Variants in ZBTB7C observed in about 807,000 individuals in gnomAD.
ZBTB7C encodes zinc finger and BTB domain containing 7C.
In ZBTB7C, 8 loss-of-function variants were observed where a neutral mutation model predicts 25.7. The ratio of observed to expected loss-of-function variants is 0.31; its 90% CI spans 0.18 to 0.56. The LOEUF (loss-of-function observed/expected upper bound fraction) is 0.56. Among genes scored for constraint, ZBTB7C ranks in the 20% least tolerant of loss-of-function variants. The probability of loss-of-function intolerance (pLI) is 0.91; values close to 1 mark genes in which losing one functional copy is unlikely to be tolerated. For synonymous variants in ZBTB7C, 394 were observed against 369.0 expected (o/e 1.07, Z -0.78); for missense variants, 824 against 855.2 (o/e 0.96, Z 0.46).
At chr18:48,380,007 A>C (rs1196460694) in intron 1 of ZBTB7C, among the ~76,000 whole-genome samples, 1 of 152,238 alleles carries the variant, frequency 6.6e-6, no homozygotes, top group African/African-American at 2.4e-5. Context: ...ACAGAGAATA[A>C]GCATTTGTCA....
chr18:48,399,904 C>T (rs1231644618), intron 1 of ZBTB7C, among the ~76,000 whole-genome samples: 2 of 152,138 alleles, frequency 1.3e-5, no homozygotes, highest in African/African-American at 4.8e-5. Context: ...GCTTTTTCCT[C>T]CCTCTTCCCA....
At chr18:48,064,955 A>G (rs2037268680) in intron 3 of ZBTB7C, among the ~76,000 whole-genome samples, 1 of 152,182 alleles carries the variant, frequency 6.6e-6, no homozygotes, top group South Asian at 2.1e-4. Context: ...CTAAGCTCCC[A>G]CCACTCCACT....
chr18:48,039,121 G>T (rs1174111880), intron 4 of ZBTB7C, among the ~76,000 whole-genome samples: 6 of 152,106 alleles, frequency 3.9e-5, no homozygotes, highest in Non-Finnish European at 7.3e-5. Flanking sequence ...AAAGATGAAA[G>T]GTTTATAATG....
chr18:48,052,662 C>A (rs185237039), intron 3 of ZBTB7C, among the ~76,000 whole-genome samples: 4 of 152,080 alleles, frequency 2.6e-5, no homozygotes, highest in Non-Finnish European at 5.9e-5. Flanking sequence ...CCCAGGTGTG[C>A]AGTCAGCAGA....
chr18:48,073,525 G>A (rs1480003013), intron 3 of ZBTB7C, among the ~76,000 whole-genome samples: 1 of 152,134 alleles, frequency 6.6e-6, no homozygotes, highest in Non-Finnish European at 1.5e-5. Flanking sequence ...CAGGCGCAGG[G>A]GTGCGGGCAG....
In ZBTB7C at chr18:48,040,930, T is replaced by A. The variant is rs995591016; in HGVS notation, c.178A>T (p.Lys60Ter). The A allele has an allele frequency of 6.2e-7, 1 of 1,614,026 alleles. No individual in the cohort carries two copies. The highest frequency in any genetic ancestry group is 1.3e-5 in the African/African-American group (1 of 74,912). ...SVLAACSKYFKKLFTAGTLAS... is the reference protein window; with the variant it reads ...SVLAACSKYF The stretch of plus-strand genomic sequence containing the variant: ...AGGGTGCCGGCTGTGAAAAGCTTCT[T>A]GAAGTACTTGCTGCAGGCAGCCAGG... Residue 60 changes from lysine (K) to a stop codon, truncating the protein, a stop_gained, in exon 4 of 5, where the codon AAG (lysine) becomes TAG (stop). Transcript: ENST00000590800. LOFTEE classifies it high-confidence loss of function.
intron 3 of ZBTB7C, among the ~76,000 whole-genome samples, chr18:48,076,126 T>G (rs2037753333): frequency 6.6e-6 from 1 of 152,184 alleles, no homozygotes; most frequent in Non-Finnish European, 1.5e-5. Flanking sequence ...TAAACATGTT[T>G]CTTGTCCCCA....
chr18:48,263,646 T>C (rs1474042505), intron 2 of ZBTB7C, among the ~76,000 whole-genome samples: 1 of 150,616 alleles, frequency 6.6e-6, no homozygotes, highest in East Asian at 2.0e-4. Context: ...CACTGGGAAC[T>C]GTGTCTATTC....
chr18:48,032,435 T>G (rs1191479374), intron 4 of ZBTB7C, among the ~76,000 whole-genome samples: 26 of 123,618 alleles, frequency 2.1e-4, no homozygotes, highest in Admixed American at 3.1e-4. Flanking sequence ...TTTTTTTTTT[T>G]TTTTTTTTTT....
At chr18:48,388,742 C>T (rs2145243475) in intron 1 of ZBTB7C, among the ~76,000 whole-genome samples, 1 of 152,072 alleles carries the variant, frequency 6.6e-6, no homozygotes, top group African/African-American at 2.4e-5. Flanking sequence ...GACCAATGCC[C>T]CTCTTTAGAA....
chr18:48,286,038 C>A (rs1470114010), intron 2 of ZBTB7C, among the ~76,000 whole-genome samples: 2 of 152,310 alleles, frequency 1.3e-5, no homozygotes, highest in Admixed American at 6.5e-5. Context: ...GAACCTCAGA[C>A]TACATTCATT....
chr18:48,342,466 G>A (rs2046626382), intron 1 of ZBTB7C, among the ~76,000 whole-genome samples: 1 of 152,190 alleles, frequency 6.6e-6, no homozygotes, highest in Admixed American at 6.5e-5. Flanking sequence ...CAGCTGAGAC[G>A]GCCATCGTCC....
intron 3 of ZBTB7C, among the ~76,000 whole-genome samples, chr18:48,162,568 C>T (rs1295405833): frequency 6.6e-6 from 1 of 152,174 alleles, no homozygotes; most frequent in Non-Finnish European, 1.5e-5. Flanking sequence ...CTGTTAAGCA[C>T]CTCCTATGCA....
rs143825394 is a variant in ZBTB7C at position 48,319,112 on chromosome 18, C to CTGTG, written c.-79+19058_-79+19061dup. Among the ~76,000 whole-genome samples, 427 of 147,454 alleles carry CTGTG rather than the reference C, an allele frequency of 2.9e-3. 4 individuals carry two copies. Among genetic ancestry groups the CTGTG allele is most frequent in the East Asian group, 9.3e-3 (46 of 4,936 alleles). ...ATTCATGAACGATGCCAGAATGCCTCTGTGTGTGTGTGTGTGTGTGTGTGT... is the reference window on the plus strand; with the variant it reads ...ATTCATGAACGATGCCAGAATGCCTCTGTGTGTGTGTGTGTGTGTGTGTGTGTGT... On this transcript the variant is annotated intron_variant, in intron 2 of 4. Coordinates refer to ENST00000590800, the MANE Select transcript of ZBTB7C (RefSeq NM_001318841.2).
At chr18:48,088,985 A>G (rs2038303020) in intron 3 of ZBTB7C, among the ~76,000 whole-genome samples, 1 of 152,216 alleles carries the variant, frequency 6.6e-6, no homozygotes, top group Non-Finnish European at 1.5e-5. Flanking sequence ...TGGATGCAAG[A>G]GTGCTGAATT....
intron 1 of ZBTB7C, among the ~76,000 whole-genome samples, chr18:48,392,715 C>G (rs967305929): frequency 1.9e-4 from 29 of 152,304 alleles, no homozygotes; most frequent in Admixed American, 1.8e-3. Context: ...TAAGATTGCT[C>G]TGGGCAGCCA....
chr18:48,394,166 T>C (rs894416116), intron 1 of ZBTB7C, among the ~76,000 whole-genome samples: 1 of 152,210 alleles, frequency 6.6e-6, no homozygotes, highest in Non-Finnish European at 1.5e-5. Context: ...AAAACCTCCA[T>C]GTGACCATTT....
intron 3 of ZBTB7C, among the ~76,000 whole-genome samples, chr18:48,073,112 C>G (rs1353883206): frequency 2.0e-5 from 3 of 152,242 alleles, no homozygotes; most frequent in Non-Finnish European, 4.4e-5. Flanking sequence ...TGGCTCAGAA[C>G]TGGCCAGAGT....
At chr18:48,268,251 A>G (rs958676358) in intron 2 of ZBTB7C, among the ~76,000 whole-genome samples, 20 of 152,314 alleles carry the variant, frequency 1.3e-4, no homozygotes, top group Non-Finnish European at 2.4e-4. Flanking sequence ...TTTATTCACT[A>G]TACAGACATA....
Sources: allele counts gnomAD v4.1 joint callset (sites outside exome capture counted in the v4.1 genomes callset), GRCh38; gene constraint gnomAD v4.1.1; transcripts MANE v1.5; gene names NCBI Gene and HGNC (gene_info 2026-07-23, HGNC 2026-07-21).